The following CDS2 variants were observed in gnomAD, a reference collection of about 807,000 sequenced individuals.
The protein encoded by CDS2 is CDP-diacylglycerol synthase 2.
CDS2 carries 47 observed loss-of-function variants against 59.0 expected under a neutral mutation model. That is an observed-to-expected ratio of 0.80 (90% CI 0.63 to 1.02). The LOEUF (loss-of-function observed/expected upper bound fraction) is 1.02, where lower values mean the gene tolerates loss of function less well. Ranked by LOEUF, CDS2 falls within the 50% of genes least tolerant of loss-of-function variation. CDS2 has a pLI of 0.00. For synonymous variants in CDS2, 207 were observed against 206.4 expected, an observed-to-expected ratio of 1.00 and a Z score of -0.02; for missense variants, 356 against 558.9, an observed-to-expected ratio of 0.64 and a Z score of 3.66.
chr20:5,183,603 A>AG (rs1177921158), intron 7 of CDS2, among the ~76,000 whole-genome samples: 1 of 152,258 alleles, frequency 6.6e-6, no homozygotes, highest in African/African-American at 2.4e-5. Context: ...AAAGAGAAAC[A>AG]GGACCAAATG....
At chr20:5,128,966 A>G (rs1425127055) in intron 1 of CDS2, among the ~76,000 whole-genome samples, 4 of 152,072 alleles carry the variant, frequency 2.6e-5, no homozygotes, top group South Asian at 2.1e-4. Context: ...TAAAGATTCT[A>G]CCCTCCTTCC....
intron 1 of CDS2, among the ~76,000 whole-genome samples, chr20:5,168,434 GAAAA>G: frequency 8.9e-6 from 1 of 112,402 alleles, no homozygotes; most frequent in Non-Finnish European, 2.0e-5. Flanking sequence ...AAAAAAAAAA[GAAAA>G]GAAAAAAAAA....
intron 7 of CDS2, 48 bp downstream of exon 7, chr20:5,183,191 C>T (rs770848561): frequency 4.5e-5 from 67 of 1,495,678 alleles, no homozygotes; most frequent in South Asian, 1.8e-4. Flanking sequence ...GAGTGTTTCT[C>T]GTGTACAGAT....
intron 3 of CDS2, chr20:5,175,515 C>T: frequency 2.5e-6 from 1 of 405,368 alleles, no homozygotes; most frequent in East Asian, 5.3e-5. Flanking sequence ...TTTTAAAAAA[C>T]TGACTTTATT....
chr20:5,190,286 C>T lies in CDS2; in HGVS notation c.*52C>T. ...AACAGAACTGAGCAGGGGCAGGTCTCCAAGGCAAGCCCAGCTGGTGTGACT... is the reference window on the plus strand; with the variant it reads ...AACAGAACTGAGCAGGGGCAGGTCTTCAAGGCAAGCCCAGCTGGTGTGACT... On this transcript the variant is annotated 3_prime_UTR_variant, in exon 13 of 13. Coordinates refer to ENST00000460006, the MANE Select transcript of CDS2 (RefSeq NM_003818.4). The T allele has an allele frequency of 6.5e-7, 1 of 1,547,372 alleles. No homozygotes were observed. Among genetic ancestry groups the T allele is most frequent in the Non-Finnish European group, 8.8e-7 (1 of 1,137,014 alleles).
intron 1 of CDS2, among the ~76,000 whole-genome samples, chr20:5,137,882 T>A (rs935975534): frequency 1.3e-5 from 2 of 151,646 alleles, no homozygotes; most frequent in African/African-American, 2.4e-5. Context: ...CACTCCAAGC[T>A]CCGACTCCCG....
At chr20:5,152,879 C>T (rs756864396) in intron 1 of CDS2, among the ~76,000 whole-genome samples, 2 of 152,172 alleles carry the variant, frequency 1.3e-5, no homozygotes, top group African/African-American at 4.8e-5. Context: ...GTGGGTAAGT[C>T]TCAAAATATA....
chr20:5,131,048 G>C (rs1200505738), intron 1 of CDS2, among the ~76,000 whole-genome samples: 30 of 150,582 alleles, frequency 2.0e-4, no homozygotes, highest in Admixed American at 9.2e-4. Flanking sequence ...AGCCGAGATG[G>C]CGCCACTGCA....
chr20:5,160,514 C>T (rs2090868831), intron 1 of CDS2, among the ~76,000 whole-genome samples: 1 of 152,176 alleles, frequency 6.6e-6, no homozygotes, highest in African/African-American at 2.4e-5. Context: ...CCACTAGCCA[C>T]ATGTGGCCAA....
In CDS2 at chr20:5,195,266, G is replaced by C. The variant is rs1356719730; in HGVS notation, c.*5032G>C. ...TCCGTTGGTGCAATGCCAGAGATGG[G>C]ATTGTCAGCCACCACACTGCCACCA... On this transcript the variant is annotated 3_prime_UTR_variant, in exon 13 of 13. Coordinates refer to ENST00000460006, the MANE Select transcript of CDS2 (RefSeq NM_003818.4). 1 of 152,394 alleles carries C rather than the reference G, an allele frequency of 6.6e-6. No homozygotes were observed. The highest frequency in any genetic ancestry group is 1.5e-5 in the Non-Finnish European group (1 of 68,044). 9.4% of individuals were successfully genotyped at this position (152,394 alleles called of 1,614,324 possible).
rs114543249 is a variant in CDS2 at position 5,185,947 on chromosome 20, A to G, written c.828+121A>G. 5,303 of 939,556 alleles carry G rather than the reference A, an allele frequency of 5.6e-3. 31 individuals are homozygous for G. Among genetic ancestry groups the G allele is most frequent in the South Asian group, 6.1e-3 (397 of 64,650 alleles). The allele number at this position is 939,556 out of a possible 1,614,324, so 58.2% of individuals were successfully genotyped here. A position where few individuals can be genotyped will look rare whatever the true frequency, so the allele number is the denominator to read the frequency against. On this transcript the variant is annotated intron_variant, in intron 9 of 12. Transcript: ENST00000460006. ...GCCAGGACTGTCCTGCTGAATGGCAACCTTGCCCTGAAGAGGGCCACTGGC... is the reference window on the plus strand; with the variant it reads ...GCCAGGACTGTCCTGCTGAATGGCAGCCTTGCCCTGAAGAGGGCCACTGGC...
intron 2 of CDS2, among the ~76,000 whole-genome samples, chr20:5,174,738 T>C (rs1432546025): frequency 1.3e-5 from 2 of 151,796 alleles, no homozygotes; most frequent in African/African-American, 4.8e-5. Flanking sequence ...AAAAAAAAAT[T>C]ATGCATATTT....
intron 7 of CDS2, among the ~76,000 whole-genome samples, chr20:5,183,535 G>A (rs1304595729): frequency 1.3e-5 from 2 of 152,138 alleles, no homozygotes; most frequent in East Asian, 1.9e-4. Context: ...AGAAGAAAAC[G>A]TGAATAGATC....
chr20:5,181,075 T>C (rs560354914), intron 5 of CDS2, among the ~76,000 whole-genome samples: 2 of 152,194 alleles, frequency 1.3e-5, no homozygotes, highest in South Asian at 4.2e-4. Flanking sequence ...TAAAGCAAAA[T>C]AAGCAAAACT....
chr20:5,178,187 G>T (rs1193733529), intron 4 of CDS2, among the ~76,000 whole-genome samples: 1 of 152,180 alleles, frequency 6.6e-6, no homozygotes, highest in Non-Finnish European at 1.5e-5. Context: ...GCTAATGGAA[G>T]GTCTGTTTGT....
At chr20:5,170,425 C>G (rs938774099) in intron 1 of CDS2, among the ~76,000 whole-genome samples, 1 of 151,816 alleles carries the variant, frequency 6.6e-6, no homozygotes, top group Non-Finnish European at 1.5e-5. Context: ...CCTTTGTCCA[C>G]GGGGTGGGGA....
At chr20:5,151,286 G>A (rs2090786976) in intron 1 of CDS2, among the ~76,000 whole-genome samples, 1 of 152,186 alleles carries the variant, frequency 6.6e-6, no homozygotes, top group African/African-American at 2.4e-5. Flanking sequence ...TGATGCAAGT[G>A]TACCAAGTTT....
At chr20:5,169,606 A>C (rs915032938) in intron 1 of CDS2, among the ~76,000 whole-genome samples, 10 of 152,182 alleles carry the variant, frequency 6.6e-5, no homozygotes, top group African/African-American at 2.2e-4. Context: ...TGGTGTTTTT[A>C]CCATGTTCCC....
chr20:5,183,422 A>G lies in CDS2; in HGVS notation c.671+279A>G, dbSNP rs41309923. Reference sequence around the variant, plus strand: ...CTGTTCTAGACTAATAGGTACAGGAATATTTAAAGACTCAAAGACAATGCA... The same window carrying G: ...CTGTTCTAGACTAATAGGTACAGGAGTATTTAAAGACTCAAAGACAATGCA... On this transcript the variant is annotated intron_variant, in intron 7 of 12. Coordinates refer to ENST00000460006, the MANE Select transcript of CDS2 (RefSeq NM_003818.4). Among the ~76,000 whole-genome samples the G allele has an allele frequency of 7.0e-3, 1,072 of 152,372 alleles. 5 individuals are homozygous for G. Among genetic ancestry groups the G allele is most frequent in the Non-Finnish European group, 0.01 (714 of 68,038 alleles).
Sources: gnomAD v4.1 joint callset for allele counts (sites outside exome capture counted in the v4.1 genomes callset) on GRCh38, gnomAD v4.1.1 for gene constraint, MANE v1.5 for transcripts, NCBI Gene and HGNC (gene_info 2026-07-23, HGNC 2026-07-21) for gene names.